The following SLC7A5 variants were observed in gnomAD, a reference collection of about 807,000 sequenced individuals.
SLC7A5 encodes large neutral amino acids transporter small subunit 1.
Under a neutral mutation model 50.2 loss-of-function variants are expected in SLC7A5, and 23 were observed. The ratio of observed to expected loss-of-function variants is 0.46; its 90% CI spans 0.33 to 0.65. The LOEUF (loss-of-function observed/expected upper bound fraction) is 0.65, where lower values mean the gene tolerates loss of function less well. Among genes scored for constraint, SLC7A5 ranks in the 30% least tolerant of loss-of-function variants. The pLI, the probability that SLC7A5 is intolerant of heterozygous loss-of-function variation, is 0.02. For missense variants in SLC7A5, 578 were observed against 684.4 expected, an observed-to-expected ratio of 0.84 and a Z score of 1.73; for synonymous variants, 393 against 330.6, an observed-to-expected ratio of 1.19 and a Z score of -2.05.
At position 87,837,853 on chromosome 16, in the gene SLC7A5, C is replaced by T. The variant is rs183791552; in HGVS notation, c.1132G>A (p.Val378Met). ...PQLLTPVPSL[V>M]FTCVMTLLYA... is the part of the protein sequence containing the mutation. Reference sequence around the variant, plus strand: ...CCGTGCAGCAGGCTTACCGTGAACACGAGGGACGGCACGGGGGTGAGGAGC... The same window carrying T: ...CCGTGCAGCAGGCTTACCGTGAACATGAGGGACGGCACGGGGGTGAGGAGC... The change falls in exon 7 of 10, where the codon GTG (valine) becomes ATG (methionine). Residue 378 changes from valine to methionine, a missense_variant. By Grantham distance (21) the Val-to-Met change is conservative (BLOSUM62 1). Transcript: ENST00000261622. The T allele has an allele frequency of 2.6e-5, 41 of 1,604,358 alleles. 1 individual carries two copies. The Middle Eastern group carries it at 2.3e-3, about 91-fold the overall frequency.
intron 1 of SLC7A5, among the ~76,000 whole-genome samples, chr16:87,864,594 T>G (rs1453156389): frequency 6.6e-6 from 1 of 152,178 alleles, no homozygotes; most frequent in Non-Finnish European, 1.5e-5. Flanking sequence ...GCGACAGCAC[T>G]CCTTGCAGAC....
In SLC7A5 at chr16:87,862,450, C is replaced by T. The variant is rs1310549584; in HGVS notation, c.538+6435G>A. Among the ~76,000 whole-genome samples, 2 of 152,240 alleles carry T rather than the reference C, an allele frequency of 1.3e-5. No individual in the cohort carries two copies. The highest frequency in any genetic ancestry group is 4.8e-5 in the African/African-American group (2 of 41,444). ...ACAGTTGTGGCGATTCCTACTTCCA[C>T]CCATAGCCCCCCGACCCTGGGCCTG... On this transcript the variant is annotated intron_variant, in intron 1 of 9. Coordinates refer to ENST00000261622, the MANE Select transcript of SLC7A5 (RefSeq NM_003486.7). The surrounding 1 kb of genome is among the most constrained non-coding windows in gnomAD (Gnocchi z 5.3).
rs779143951 is a variant in SLC7A5 at position 87,841,186 on chromosome 16, T to C, written c.665-31A>G. 1.4e-6 allele frequency: 2 copies of C among 1,420,142 alleles called. No individual in the cohort carries two copies. The highest frequency in any genetic ancestry group is 2.0e-6 in the Non-Finnish European group (2 of 1,003,640). The allele number at this position is 1,420,142 out of a possible 1,614,324, so 88.0% of individuals were successfully genotyped here. A position where few individuals can be genotyped will look rare whatever the true frequency, so the allele number is the denominator to read the frequency against. On this transcript the variant is annotated intron_variant, in intron 2 of 9. Transcript: ENST00000261622. This position sits in a 1 kb window ranked among gnomAD's most constrained non-coding sequence, Gnocchi z 4.8. ...AGGGCCAAAGAAAGGAATGCTGGGT[T>C]AGAGAGCGCTGAACAGAGGTCATGC...
At position 87,830,195 on chromosome 16, in the gene SLC7A5, G is replaced by A. The variant is rs1249354433; in HGVS notation, c.*2775C>T. On this transcript the variant is annotated 3_prime_UTR_variant, in exon 10 of 10. Transcript: ENST00000261622. ...CAGCCTGGTCGGCCGACGTCACAGTGGATGGCCCTGCGTGGCTGGGACACA... is the reference window on the plus strand; with the variant it reads ...CAGCCTGGTCGGCCGACGTCACAGTAGATGGCCCTGCGTGGCTGGGACACA... The A allele has an allele frequency of 1.3e-5, 2 of 152,262 alleles. No individual in the cohort carries two copies. The highest frequency in any genetic ancestry group is 2.9e-5 in the Non-Finnish European group (2 of 68,052). 9.4% of individuals were successfully genotyped at this position (152,262 alleles called of 1,614,324 possible).
chr16:87,843,864 C>A (rs2055114043), intron 2 of SLC7A5, among the ~76,000 whole-genome samples: 1 of 152,192 alleles, frequency 6.6e-6, no homozygotes, highest in Non-Finnish European at 1.5e-5. Context: ...GAGCCTCTAC[C>A]CCTGCCGGGA....
At position 87,841,247 on chromosome 16, in the gene SLC7A5, A is replaced by G; in HGVS notation, c.665-92T>C. On this transcript the variant is annotated intron_variant, in intron 2 of 9. Coordinates refer to ENST00000261622, the MANE Select transcript of SLC7A5 (RefSeq NM_003486.7). The surrounding 1 kb of genome is among the most constrained non-coding windows in gnomAD (Gnocchi z 4.8). ...AGAATGTTCCTGGAGCAAAATACATAGCAAACAAAAATGCTGGAGTGAAGG... is the reference window on the plus strand; with the variant it reads ...AGAATGTTCCTGGAGCAAAATACATGGCAAACAAAAATGCTGGAGTGAAGG... The G allele has an allele frequency of 1.2e-6, 1 of 843,486 alleles. No individual in the cohort carries two copies. Among genetic ancestry groups the G allele is most frequent in the Non-Finnish European group, 2.0e-6 (1 of 490,432 alleles). The allele number at this position is 843,486 out of a possible 1,614,324, so 52.3% of individuals were successfully genotyped here.
intron 4 of SLC7A5, 113 bp from the exon 5 acceptor site, chr16:87,839,938 G>A: frequency 2.1e-6 from 3 of 1,410,946 alleles, no homozygotes; most frequent in Non-Finnish European, 3.0e-6. Context: ...CTCTGTGCTG[G>A]GCTTCTCGGG....
rs182338950 is a variant in SLC7A5 at position 87,863,956 on chromosome 16, A to G, written c.538+4929T>C. Among the ~76,000 whole-genome samples the G allele has an allele frequency of 1.4e-3, 176 of 121,648 alleles. 1 individual carries two copies. The highest frequency in any genetic ancestry group is 4.6e-3 in the Middle Eastern group (1 of 216). The allele number at this position is 121,648 out of a possible 152,430, so 79.8% of individuals were successfully genotyped here. ...TTTCCCTTCCTAAGCAGAAAATTCC[A>G]GAACCCAACCTTATGTGTGATCATT... On this transcript the variant is annotated intron_variant, in intron 1 of 9. Coordinates refer to ENST00000261622, the MANE Select transcript of SLC7A5 (RefSeq NM_003486.7).
At chr16:87,868,400 G>A (rs184436931) in intron 1 of SLC7A5, among the ~76,000 whole-genome samples, 133 of 152,304 alleles carry the variant, frequency 8.7e-4, no homozygotes, top group Non-Finnish European at 1.6e-3. Context: ...GTTTTCTTAT[G>A]AGTCAGCCCG....
chr16:87,836,841 A>T, intron 7 of SLC7A5, 194 bp from the exon 8 acceptor site: 1 of 407,702 alleles, frequency 2.5e-6, no homozygotes, highest in Non-Finnish European at 4.8e-6. Context: ...GGAGGAGAGG[A>T]GGAGGGAAGA....
chr16:87,855,538 C>CG (rs2055305576), intron 1 of SLC7A5, among the ~76,000 whole-genome samples: 1 of 152,054 alleles, frequency 6.6e-6, no homozygotes, highest in South Asian at 2.1e-4. Flanking sequence ...CCTCTCCCCT[C>CG]GGGGGGATGA....
intron 2 of SLC7A5, among the ~76,000 whole-genome samples, chr16:87,851,377 G>A (rs1027423442): frequency 6.6e-6 from 1 of 152,250 alleles, no homozygotes; most frequent in African/African-American, 2.4e-5. Context: ...GGTCTGCATG[G>A]CAGGCATAGC....
At chr16:87,840,947 A>T in intron 3 of SLC7A5, 103 bp downstream of exon 3, 1 of 727,912 alleles carries the variant, frequency 1.4e-6, no homozygotes, top group Non-Finnish European at 2.5e-6. Context: ...GGGGCAGTCC[A>T]CTCCCTTTAA....
In SLC7A5 at chr16:87,864,388, G is replaced by A. The variant is rs561109249; in HGVS notation, c.538+4497C>T. On this transcript the variant is annotated intron_variant, in intron 1 of 9. Coordinates refer to ENST00000261622, the MANE Select transcript of SLC7A5 (RefSeq NM_003486.7). ...AGCAATGTCCACAGATCAAACGCCC[G>A]GCCTCTCCTTCACACCCTGGAGCGC... 1.2e-3 allele frequency among the ~76,000 whole-genome samples: 179 copies of A among 152,156 alleles called. 1 individual carries two copies. The highest frequency in any genetic ancestry group is 3.9e-3 in the African/African-American group (161 of 41,502).
At chr16:87,865,681 T>C (rs2055451808) in intron 1 of SLC7A5, among the ~76,000 whole-genome samples, 1 of 152,114 alleles carries the variant, frequency 6.6e-6, no homozygotes, top group Non-Finnish European at 1.5e-5. Flanking sequence ...TACTCCAGCC[T>C]GGGTAAGAGC....
chr16:87,856,500 CG>C (rs112330148), intron 1 of SLC7A5, among the ~76,000 whole-genome samples: 19 of 152,320 alleles, frequency 1.2e-4, no homozygotes, highest in African/African-American at 4.3e-4. Flanking sequence ...GGCCCGACAC[CG>C]GGCACAGGTA....
At position 87,837,057 on chromosome 16, in the gene SLC7A5, C is replaced by T. The variant is rs114339493; in HGVS notation, c.1141-410G>A. ...ACAGTTTCTGTAACCCCCGGCACAGCCGTGCTCCCGAGGACCGTGCAGCTG... is the reference window on the plus strand; with the variant it reads ...ACAGTTTCTGTAACCCCCGGCACAGTCGTGCTCCCGAGGACCGTGCAGCTG... On this transcript the variant is annotated intron_variant, in intron 7 of 9. Transcript: ENST00000261622. 2.7e-3 allele frequency among the ~76,000 whole-genome samples: 404 copies of T among 152,372 alleles called. 2 individuals carry two copies. Among genetic ancestry groups the T allele is most frequent in the African/African-American group, 9.4e-3 (393 of 41,592 alleles).
chr16:87,838,843 G>T (rs745925853), intron 5 of SLC7A5, 26 bp from the exon 6 acceptor site: 2 of 1,568,986 alleles, frequency 1.3e-6, no homozygotes, highest in Non-Finnish European at 1.8e-6. Flanking sequence ...CAGTGAGCTG[G>T]GCCCCACCGG....
At chr16:87,859,913 A>AAAAAAC (rs1483052571) in intron 1 of SLC7A5, among the ~76,000 whole-genome samples, 2 of 151,016 alleles carry the variant, frequency 1.3e-5, no homozygotes, top group Admixed American at 6.6e-5. Flanking sequence ...CCTGGGTGAC[A>AAAAAAC]AAAACAAAAC....
Sources: gnomAD v4.1 joint callset for allele counts (sites outside exome capture counted in the v4.1 genomes callset) on GRCh38, gnomAD v4.1.1 for gene constraint, Gnocchi (gnomAD v3.1) non-coding constraint, MANE v1.5 for transcripts, NCBI Gene and HGNC (gene_info 2026-07-23, HGNC 2026-07-21) for gene names.